DMRT1: variants seen among roughly 807,000 people sequenced by gnomAD.
DMRT1 encodes doublesex- and mab-3-related transcription factor 1.
DMRT1 carries 7 observed loss-of-function variants against 32.3 expected under a neutral mutation model. The ratio of observed to expected loss-of-function variants is 0.22; its 90% CI spans 0.12 to 0.41. DMRT1 has a LOEUF of 0.41. Ranked by LOEUF, DMRT1 falls within the 10% of genes least tolerant of loss-of-function variation. The pLI, the probability that DMRT1 is intolerant of heterozygous loss-of-function variation, is 1.00. For missense variants in DMRT1, 625 were observed against 500.5 expected, an observed-to-expected ratio of 1.25 and a Z score of -2.37; for synonymous variants, 278 against 206.1, an observed-to-expected ratio of 1.35 and a Z score of -2.99.
intron 2 of DMRT1, among the ~76,000 whole-genome samples, chr9:870,121 G>A (rs1343597921): frequency 6.6e-6 from 1 of 152,210 alleles, no homozygotes; most frequent in Non-Finnish European, 1.5e-5. Flanking sequence ...TAGCTTGCCG[G>A]GCGCGGTGGC....
chr9:931,855 A>ACT (rs1355792518), intron 4 of DMRT1, among the ~76,000 whole-genome samples: 3 of 152,324 alleles, frequency 2.0e-5, no homozygotes, highest in Middle Eastern at 3.4e-3. Flanking sequence ...TCAGTCACTA[A>ACT]CACTACTGAA....
At chr9:946,013 T>C (rs1277573012) in intron 4 of DMRT1, among the ~76,000 whole-genome samples, 2 of 152,322 alleles carry the variant, frequency 1.3e-5, no homozygotes, top group East Asian at 3.9e-4. Context: ...TCTTACATGT[T>C]TAGTACATGT....
chr9:925,011 C>G (rs555227072), intron 4 of DMRT1, among the ~76,000 whole-genome samples: 2 of 152,312 alleles, frequency 1.3e-5, no homozygotes, highest in South Asian at 4.2e-4. Flanking sequence ...GACAAGGCCT[C>G]CTCCAGGCTG....
At chr9:876,201 G>C (rs1480553408) in intron 2 of DMRT1, among the ~76,000 whole-genome samples, 1 of 152,170 alleles carries the variant, frequency 6.6e-6, no homozygotes, top group East Asian at 1.9e-4. Context: ...GTTAGCAGCA[G>C]CTGGCAGTGA....
At chr9:880,165 G>C (rs985395547) in intron 2 of DMRT1, among the ~76,000 whole-genome samples, 5 of 152,102 alleles carry the variant, frequency 3.3e-5, no homozygotes, top group Non-Finnish European at 7.4e-5. Flanking sequence ...TCCAGGATAT[G>C]GTGTTCCTTT....
intron 2 of DMRT1, among the ~76,000 whole-genome samples, chr9:881,321 A>T (rs1816728279): frequency 6.6e-6 from 1 of 152,206 alleles, no homozygotes. Flanking sequence ...GTTGAACGGA[A>T]GCTATGTGAA....
rs958676185 is a variant in DMRT1, at chr9:964,197, GT to G, written c.968-3778del. Among the ~76,000 whole-genome samples, 272 of 148,752 alleles carry G rather than the reference GT, an allele frequency of 1.8e-3. 1 individual carries two copies. Among genetic ancestry groups the G allele is most frequent in the African/African-American group, 5.9e-3 (240 of 40,706 alleles). ...AAGATTTAGCACTTAGAGTTTTGTGGTTTTTTTTTTAAGAAGGTTTTCTTTT... is the reference window on the plus strand; with the variant it reads ...AAGATTTAGCACTTAGAGTTTTGTGGTTTTTTTTTAAGAAGGTTTTCTTTT... On this transcript the variant is annotated intron_variant, in intron 4 of 4. Coordinates refer to ENST00000382276, the MANE Select transcript of DMRT1 (RefSeq NM_021951.3).
intron 4 of DMRT1, among the ~76,000 whole-genome samples, chr9:929,152 C>T (rs1234141639): frequency 6.6e-6 from 1 of 152,040 alleles, no homozygotes; most frequent in Non-Finnish European, 1.5e-5. Context: ...ATTTTAGCAC[C>T]CTGTATTTGT....
chr9:954,318 G>A (rs1301190472), intron 4 of DMRT1, among the ~76,000 whole-genome samples: 4 of 152,042 alleles, frequency 2.6e-5, no homozygotes, highest in South Asian at 2.1e-4. Context: ...AGAAGGGACC[G>A]GATAGGGCAC....
At chr9:930,047 G>T (rs991805408) in intron 4 of DMRT1, among the ~76,000 whole-genome samples, 3 of 152,116 alleles carry the variant, frequency 2.0e-5, no homozygotes, top group African/African-American at 7.2e-5. Context: ...TTCAAGACCT[G>T]GTTGAAGTCT....
At chr9:901,745 G>T (rs181874411) in intron 3 of DMRT1, among the ~76,000 whole-genome samples, 13 of 151,996 alleles carry the variant, frequency 8.6e-5, no homozygotes, top group Non-Finnish European at 1.9e-4. Flanking sequence ...CTCCTGGGAA[G>T]TTCTGGATGG....
At chr9:843,897 A>G (rs748802634) in intron 1 of DMRT1, among the ~76,000 whole-genome samples, 2 of 152,182 alleles carry the variant, frequency 1.3e-5, no homozygotes, top group Non-Finnish European at 2.9e-5. Flanking sequence ...GTTTTGCTTA[A>G]TTTCTTAATA....
chr9:880,506 C>A (rs535627726), intron 2 of DMRT1, among the ~76,000 whole-genome samples: 2 of 151,984 alleles, frequency 1.3e-5, no homozygotes, highest in Non-Finnish European at 2.9e-5. Flanking sequence ...GTGGGCGGAT[C>A]ACCTGAGGTC....
chr9:865,644 C>A lies in DMRT1; in HGVS notation c.538+18501C>A, dbSNP rs566481760. On this transcript the variant is annotated intron_variant, in intron 2 of 4. Transcript: ENST00000382276. ...AAAAATGAAGCTACCTGAACAGATA[C>A]AACAAGAATTACATCTTTGGGTGAG... Among the ~76,000 whole-genome samples the A allele has an allele frequency of 6.3e-4, 96 of 152,202 alleles. No individual in the cohort carries two copies. The South Asian group carries it at 0.017, about 27-fold the overall frequency.
At chr9:931,861 C>T (rs528578864) in intron 4 of DMRT1, among the ~76,000 whole-genome samples, 1 of 152,310 alleles carries the variant, frequency 6.6e-6, no homozygotes, top group South Asian at 2.1e-4. Context: ...ACTAACACTA[C>T]TGAAGGGTTT....
At chr9:907,660 C>G (rs556941339) in intron 3 of DMRT1, among the ~76,000 whole-genome samples, 41 of 152,242 alleles carry the variant, frequency 2.7e-4, no homozygotes, top group African/African-American at 9.4e-4. Flanking sequence ...AAACTGTATT[C>G]CAGTATATAT....
intron 1 of DMRT1, chr9:842,428 G>A: frequency 7.0e-6 from 4 of 575,380 alleles, no homozygotes; most frequent in South Asian, 2.1e-5. Flanking sequence ...AGAGACGGGG[G>A]TTTCACCATA....
intron 4 of DMRT1, among the ~76,000 whole-genome samples, chr9:931,669 G>A (rs1162665673): frequency 6.6e-6 from 1 of 152,108 alleles, no homozygotes; most frequent in Non-Finnish European, 1.5e-5. Flanking sequence ...TGTGTGTGTG[G>A]AGATAGACAC....
chr9:913,315 G>A (rs1006032516), intron 3 of DMRT1, among the ~76,000 whole-genome samples: 2 of 152,084 alleles, frequency 1.3e-5, no homozygotes, highest in African/African-American at 2.4e-5. Flanking sequence ...TTTATATTAC[G>A]GCTTATGTCG....
Sources: allele counts gnomAD v4.1 joint callset (sites outside exome capture counted in the v4.1 genomes callset), GRCh38; gene constraint gnomAD v4.1.1; transcripts MANE v1.5; gene names NCBI Gene and HGNC (gene_info 2026-07-23, HGNC 2026-07-21).